HDAC9: variants seen among roughly 807,000 people sequenced by gnomAD.
HDAC9 encodes the protein MEF-2 interacting transcription repressor (MITR) protein.
A neutral mutation model predicts 139.4 loss-of-function variants in HDAC9; 41 were observed. The ratio of observed to expected loss-of-function variants is 0.29; its 90% CI spans 0.23 to 0.38. The LOEUF is 0.38. HDAC9 is among the 10% of genes least tolerant of loss of function. HDAC9 has a pLI of 1.00. For missense variants in HDAC9, 1,147 were observed against 1,297.0 expected, an observed-to-expected ratio of 0.88 and a Z score of 1.78; for synonymous variants, 517 against 476.2, an observed-to-expected ratio of 1.09 and a Z score of -1.12.
intron 1 of HDAC9, chr7:18,325,480 A>T (rs1365985629): frequency 6.6e-6 from 1 of 152,034 alleles, no homozygotes; most frequent in Non-Finnish European, 1.5e-5. Flanking sequence ...ATTATTTTTG[A>T]AATTAATTTT....
chr7:18,456,332 G>T (rs112788211), intron 1 of HDAC9, among the ~76,000 whole-genome samples: 1 of 152,046 alleles, frequency 6.6e-6, no homozygotes, highest in African/African-American at 2.4e-5. Context: ...CACCTCCCGG[G>T]TTCAAGTGAT....
chr7:18,522,745 A>T (rs1805493473), intron 2 of HDAC9, among the ~76,000 whole-genome samples: 1 of 152,160 alleles, frequency 6.6e-6, no homozygotes, highest in African/African-American at 2.4e-5. Context: ...CTTAAGAAGG[A>T]TTAATAACAT....
Position 18,579,154 on chromosome 7 carries a change from C to G in HDAC9, c.23-6127C>G, listed in dbSNP as rs138541242. Among the ~76,000 whole-genome samples the G allele has an allele frequency of 2.6e-3, 391 of 152,156 alleles. 2 individuals are homozygous for G. Among genetic ancestry groups the G allele is most frequent in the African/African-American group, 8.9e-3 (368 of 41,496 alleles). ...TACATGTAAATGTAATTTAATAGAA[C>G]CAGCCTGCCATGGCAAAGATTAAAG... is the stretch of plus-strand genomic sequence containing the variant. On this transcript the variant is annotated intron_variant, in intron 2 of 25. Coordinates refer to ENST00000686413, the MANE Select transcript of HDAC9 (RefSeq NM_178425.4).
chr7:18,596,528 C>T (rs1406241410), intron 6 of HDAC9, among the ~76,000 whole-genome samples: 2 of 152,004 alleles, frequency 1.3e-5, no homozygotes, highest in African/African-American at 4.8e-5. Flanking sequence ...TTCAGTGACT[C>T]AAAAGTATTT....
intron 1 of HDAC9, among the ~76,000 whole-genome samples, chr7:18,413,270 G>A (rs868174318): frequency 6.6e-6 from 1 of 152,120 alleles, no homozygotes; most frequent in Non-Finnish European, 1.5e-5. Context: ...GTTTTAATTT[G>A]AGGAAAGAGT....
intron 8 of HDAC9, among the ~76,000 whole-genome samples, chr7:18,643,139 AC>A (rs1225853861): frequency 6.6e-6 from 1 of 152,120 alleles, no homozygotes; most frequent in Non-Finnish European, 1.5e-5. Flanking sequence ...TTCTATACTT[AC>A]AATTTTCGTG....
At chr7:18,343,874 A>G (rs148215088) in intron 1 of HDAC9, among the ~76,000 whole-genome samples, 1 of 152,006 alleles carries the variant, frequency 6.6e-6, no homozygotes, top group Non-Finnish European at 1.5e-5. Context: ...GTAAGCATAG[A>G]TGATATTTAT....
At chr7:18,605,453 T>A (rs1465290190) in intron 6 of HDAC9, among the ~76,000 whole-genome samples, 1 of 152,196 alleles carries the variant, frequency 6.6e-6, no homozygotes, top group Admixed American at 6.5e-5. Flanking sequence ...GAGAGTAGGC[T>A]GTTGTTATGA....
intron 2 of HDAC9, among the ~76,000 whole-genome samples, chr7:18,222,067 A>G (rs1349001122): frequency 3.3e-5 from 5 of 152,206 alleles, no homozygotes; most frequent in African/African-American, 9.6e-5. Flanking sequence ...GTAGTGGGTC[A>G]AAGGTAACTT....
intron 22 of HDAC9, among the ~76,000 whole-genome samples, chr7:18,931,002 TG>T (rs1303402149): frequency 6.6e-6 from 1 of 152,208 alleles, no homozygotes. Context: ...TTTAGATAAT[TG>T]AATTCTCAGT....
chr7:18,434,789 G>T (rs975352548), intron 1 of HDAC9, among the ~76,000 whole-genome samples: 4 of 152,254 alleles, frequency 2.6e-5, no homozygotes, highest in African/African-American at 7.2e-5. Flanking sequence ...TACACAGTTG[G>T]TGGGAATGTA....
intron 2 of HDAC9, among the ~76,000 whole-genome samples, chr7:18,562,410 G>C (rs963576544): frequency 6.6e-6 from 1 of 152,038 alleles, no homozygotes; most frequent in Non-Finnish European, 1.5e-5. Context: ...ATTTACTCAC[G>C]TATTTTCTTG....
At chr7:18,845,357 A>T (rs1298378781) in intron 21 of HDAC9, among the ~76,000 whole-genome samples, 1 of 152,138 alleles carries the variant, frequency 6.6e-6, no homozygotes. Flanking sequence ...AAATCCTCCC[A>T]TTGTCAGAGC....
At chr7:18,979,794 T>C (rs938672280) in intron 25 of HDAC9, among the ~76,000 whole-genome samples, 1 of 151,946 alleles carries the variant, frequency 6.6e-6, no homozygotes, top group African/African-American at 2.4e-5. Flanking sequence ...CCACACACTT[T>C]TAAACAGCCA....
At chr7:18,357,584 T>C (rs1309984555) in intron 1 of HDAC9, among the ~76,000 whole-genome samples, 1 of 151,630 alleles carries the variant, frequency 6.6e-6, no homozygotes, top group Non-Finnish European at 1.5e-5. Flanking sequence ...TAATTACAGA[T>C]TGAAATCAAT....
chr7:18,638,828 C>T (rs1011141251), intron 8 of HDAC9, among the ~76,000 whole-genome samples: 8 of 152,022 alleles, frequency 5.3e-5, no homozygotes, highest in Non-Finnish European at 1.2e-4. Flanking sequence ...GAGCTACTTG[C>T]TTTACTCATT....
At chr7:18,871,149 G>A (rs1798888563) in intron 21 of HDAC9, among the ~76,000 whole-genome samples, 1 of 152,036 alleles carries the variant, frequency 6.6e-6, no homozygotes, top group Non-Finnish European at 1.5e-5. Flanking sequence ...GTGTTTGATT[G>A]TTTGGATTAT....
chr7:18,279,389 T>TTTC (rs756533629), intron 2 of HDAC9, among the ~76,000 whole-genome samples: 2 of 151,948 alleles, frequency 1.3e-5, no homozygotes, highest in African/African-American at 2.4e-5. Context: ...ATTTTGATCT[T>TTTC]TTCTACCCAG....
chr7:18,779,037 C>T (rs1053604214), intron 16 of HDAC9, among the ~76,000 whole-genome samples: 2 of 152,026 alleles, frequency 1.3e-5, no homozygotes, highest in African/African-American at 2.4e-5. Flanking sequence ...TTCATCATAT[C>T]CATGGCTTTA....
Sources: allele counts gnomAD v4.1 joint callset (sites outside exome capture counted in the v4.1 genomes callset), GRCh38; gene constraint gnomAD v4.1.1; transcripts MANE v1.5; gene names NCBI Gene and HGNC (gene_info 2026-07-23, HGNC 2026-07-21).